LRP8: variants seen among roughly 807,000 people sequenced by gnomAD.
The protein encoded by LRP8 is LDL receptor related protein 8.
LRP8 carries 46 observed loss-of-function variants against 111.6 expected under a neutral mutation model. The observed-to-expected ratio is 0.41, with a 90% CI of 0.33 to 0.53. The LOEUF (loss-of-function observed/expected upper bound fraction) is 0.53, where lower values mean the gene tolerates loss of function less well. Among genes scored for constraint, LRP8 ranks in the 20% least tolerant of loss-of-function variants. The pLI is 0.20. For missense variants in LRP8, 959 were observed against 1,297.4 expected (o/e 0.74, Z 4.01); for synonymous variants, 464 against 511.2 (o/e 0.91, Z 1.24).
rs1645698830 is a variant in LRP8 at position 53,245,112 on chromosome 1, G to A, written c.*1906C>T. On this transcript the variant is annotated 3_prime_UTR_variant, in exon 19 of 19. Coordinates refer to ENST00000306052, the MANE Select transcript of LRP8 (RefSeq NM_004631.5). ...GAGGCCAAGAGTGACACAGAGGAAG[G>A]TCCTAGGTACAGGATGCTAGAACTC... The A allele has an allele frequency of 6.6e-6, 1 of 152,220 alleles. No individual in the cohort carries two copies. The highest frequency in any genetic ancestry group is 1.5e-5 in the Non-Finnish European group (1 of 68,048). The allele number at this position is 152,220 out of a possible 1,614,324, so 9.4% of individuals were successfully genotyped here. A position where few individuals can be genotyped will look rare whatever the true frequency, so the allele number is the denominator to read the frequency against.
intron 2 of LRP8, among the ~76,000 whole-genome samples, chr1:53,292,828 A>G (rs577820354): frequency 5.7e-4 from 87 of 152,320 alleles, no homozygotes; most frequent in Middle Eastern, 3.4e-3. Context: ...GTCTGAACCC[A>G]CAGTCAGATG....
Position 53,246,911 on chromosome 1 carries a change from C to A in LRP8, c.*107G>T. ...AAAAAAAAAATCACACACACACATA[C>A]ACTCACACAGACCCATATATAGAAA... On this transcript the variant is annotated 3_prime_UTR_variant, in exon 19 of 19. Coordinates refer to ENST00000306052, the MANE Select transcript of LRP8 (RefSeq NM_004631.5). 5.2e-6 allele frequency: 5 copies of A among 969,026 alleles called. No homozygotes were observed. The highest frequency in any genetic ancestry group is 7.8e-6 in the Non-Finnish European group (5 of 638,354). The allele number at this position is 969,026 out of a possible 1,614,324, so 60.0% of individuals were successfully genotyped here.
chr1:53,298,902 G>A (rs1572606908), intron 2 of LRP8, among the ~76,000 whole-genome samples: 1 of 152,208 alleles, frequency 6.6e-6, no homozygotes, highest in Non-Finnish European at 1.5e-5. Flanking sequence ...TTGCAGTTGA[G>A]GAGAAGGTTC....
chr1:53,276,734 C>A lies in LRP8; in HGVS notation c.841G>T (p.Gly281Cys), dbSNP rs564968767. Reference protein sequence around the residue: ...ECVHLGWRCDGDRDCKDKSDE... With the variant: ...ECVHLGWRCDCDRDCKDKSDE... The stretch of plus-strand genomic sequence containing the variant: ...GATTTGTCTTTGCAGTCGCGGTCGC[C>A]GTCGCAGCGCCAGCCCAGGTGCACG... The change falls in exon 5 of 19, where the codon GGC becomes TGC. Residue 281 changes from glycine to cysteine, a missense_variant. Physicochemically the swap from Gly to Cys is radical, Grantham distance 159. Transcript: ENST00000306052. The A allele has an allele frequency of 1.3e-6, 2 of 1,516,962 alleles. No individual in the cohort carries two copies. The highest frequency in any genetic ancestry group is 1.8e-6 in the Non-Finnish European group (2 of 1,134,502). 94.0% of individuals were successfully genotyped at this position (1,516,962 alleles called of 1,614,324 possible). A position where few individuals can be genotyped will look rare whatever the true frequency, so the allele number is the denominator to read the frequency against.
chr1:53,247,214 T>A (rs902843309), intron 18 of LRP8, among the ~76,000 whole-genome samples, 158 bp from the exon 19 acceptor site: 6 of 152,344 alleles, frequency 3.9e-5, no homozygotes, highest in African/African-American at 1.4e-4. Flanking sequence ...ATTTTACAGA[T>A]GAGAAACAAA....
chr1:53,280,804 G>T, intron 3 of LRP8, 89 bp from the exon 4 acceptor site: 2 of 1,530,094 alleles, frequency 1.3e-6, no homozygotes. Context: ...CCAGCCATCT[G>T]GTCCAAGGCC....
chr1:53,314,408 T>C (rs1417500221), intron 2 of LRP8, among the ~76,000 whole-genome samples: 1 of 152,226 alleles, frequency 6.6e-6, no homozygotes, highest in African/African-American at 2.4e-5. Context: ...CCAGAGAGGA[T>C]GGTCCTTATC....
At chr1:53,319,388 C>T (rs1401666225) in intron 2 of LRP8, among the ~76,000 whole-genome samples, 1 of 152,210 alleles carries the variant, frequency 6.6e-6, no homozygotes, top group Non-Finnish European at 1.5e-5. Context: ...ATGCCACGTT[C>T]CAAGGGGCAG....
intron 2 of LRP8, among the ~76,000 whole-genome samples, chr1:53,306,570 C>T (rs1652008765): frequency 6.6e-6 from 1 of 151,786 alleles, no homozygotes; most frequent in Non-Finnish European, 1.5e-5. Context: ...GCGTCAACAC[C>T]AGTTGAGGGG....
At chr1:53,283,097 A>T (rs1647167219) in intron 3 of LRP8, among the ~76,000 whole-genome samples, 1 of 152,150 alleles carries the variant, frequency 6.6e-6, no homozygotes, top group Non-Finnish European at 1.5e-5. Flanking sequence ...CCTCAATGTG[A>T]TAGCATTAAG....
chr1:53,273,036 GTCCTCCAGGGC>G (rs1466397325), intron 6 of LRP8, among the ~76,000 whole-genome samples: 1 of 152,240 alleles, frequency 6.6e-6, no homozygotes, highest in Non-Finnish European at 1.5e-5. Flanking sequence ...AAGGCACAGA[GTCCTCCAGGGC>G]TCAGGTGGGT....
intron 2 of LRP8, among the ~76,000 whole-genome samples, chr1:53,322,905 A>C (rs577210928): frequency 6.6e-6 from 1 of 152,278 alleles, no homozygotes; most frequent in Admixed American, 6.5e-5. Flanking sequence ...ATGAACTCTC[A>C]GCCATGGGAG....
chr1:53,258,672 A>G (rs1404437797), intron 13 of LRP8, among the ~76,000 whole-genome samples: 2 of 151,474 alleles, frequency 1.3e-5, no homozygotes, highest in Non-Finnish European at 2.9e-5. Flanking sequence ...GATGAATTAT[A>G]TAGTGGTGAA....
rs779936452 is a variant in LRP8, at chr1:53,289,634, G to A, written c.300C>T (p.His100=). 1.4e-5 allele frequency: 22 copies of A among 1,613,552 alleles called. No individual in the cohort carries two copies. Among genetic ancestry groups the A allele is most frequent in the South Asian group, 6.6e-5 (6 of 90,870 alleles). The change falls in exon 3 of 19, where the codon CAC becomes CAT. Residue 100 remains histidine, a synonymous_variant. Coordinates refer to ENST00000306052, the MANE Select transcript of LRP8 (RefSeq NM_004631.5). Reference sequence around the variant, plus strand: ...CCTCGCCGTCACACTTCCACCGTTCGTGGATGCAGTGGCCGTTGTCACAGG... The same window carrying A: ...CCTCGCCGTCACACTTCCACCGTTCATGGATGCAGTGGCCGTTGTCACAGG... ...DFTCDNGHCI[H]ERWKCDGEEE...
chr1:53,315,092 G>C (rs1003869197), intron 2 of LRP8, among the ~76,000 whole-genome samples: 68 of 152,182 alleles, frequency 4.5e-4, no homozygotes, highest in African/African-American at 1.5e-3. Context: ...GCCAGGCAGG[G>C]CCAACCATAA....
chr1:53,318,240 CT>C (rs57335056), intron 2 of LRP8, among the ~76,000 whole-genome samples: 9,366 of 143,438 alleles, frequency 0.065, 652 homozygotes, highest in African/African-American at 0.18. Flanking sequence ...TACTCTTCTG[CT>C]TTTTTTTTTT....
rs538211497 is a variant in LRP8 at position 53,293,685 on chromosome 1, T to G, written c.245-3996A>C. On this transcript the variant is annotated intron_variant, in intron 2 of 18. Transcript: ENST00000306052. This position sits in a 1 kb window ranked among gnomAD's most constrained non-coding sequence, Gnocchi z 4.9. ...AGGTCTCCTGGAATGTGCCCAGAAG[T>G]GTGCAGCAGAATAAACCCAGGCCTG... Among the ~76,000 whole-genome samples the G allele has an allele frequency of 2.6e-5, 4 of 152,146 alleles. No individual in the cohort carries two copies. Among genetic ancestry groups the G allele is most frequent in the African/African-American group, 9.6e-5 (4 of 41,502 alleles).
intron 2 of LRP8, among the ~76,000 whole-genome samples, chr1:53,300,741 C>T (rs1324232905): frequency 6.6e-6 from 1 of 152,180 alleles, no homozygotes; most frequent in Non-Finnish European, 1.5e-5. Context: ...AAGCTGGGCC[C>T]TCGGTGTGAG....
intron 2 of LRP8, among the ~76,000 whole-genome samples, chr1:53,299,023 A>G (rs1166227292): frequency 6.6e-6 from 1 of 152,230 alleles, no homozygotes; most frequent in African/African-American, 2.4e-5. Flanking sequence ...GGGCTCCCAG[A>G]GCAGAACTCT....
Sources: allele counts gnomAD v4.1 joint callset (sites outside exome capture counted in the v4.1 genomes callset), GRCh38; gene constraint gnomAD v4.1.1; non-coding constraint Gnocchi (gnomAD v3.1); transcripts MANE v1.5; gene names NCBI Gene and HGNC (gene_info 2026-07-23, HGNC 2026-07-21).